The following MYLK2 variants were observed in gnomAD, a reference collection of about 807,000 sequenced individuals.
The protein encoded by MYLK2 is myosin light chain kinase 2, skeletal/cardiac muscle.
MYLK2 carries 27 observed loss-of-function variants against 58.2 expected under a neutral mutation model. The ratio of observed to expected loss-of-function variants is 0.46; its 90% CI spans 0.34 to 0.64. MYLK2 has a LOEUF of 0.64. MYLK2 is among the 30% of genes least tolerant of loss of function. The pLI, the probability that MYLK2 is intolerant of heterozygous loss-of-function variation, is 0.01. For missense variants in MYLK2, 676 were observed against 764.3 expected, an observed-to-expected ratio of 0.88 and a Z score of 1.36; for synonymous variants, 310 against 296.7, an observed-to-expected ratio of 1.04 and a Z score of -0.46.
chr20:31,827,052 A>G, intron 8 of MYLK2, 114 bp downstream of exon 8: 1 of 1,546,502 alleles, frequency 6.5e-7, no homozygotes, highest in South Asian at 1.2e-5. Context: ...TCCTTCATCC[A>G]TCCTTCCCTT....
chr20:31,832,598 T>C (rs1347259075), intron 12 of MYLK2, among the ~76,000 whole-genome samples: 1 of 152,156 alleles, frequency 6.6e-6, no homozygotes, highest in African/African-American at 2.4e-5. Flanking sequence ...GTTCAAGCAA[T>C]TCTCCTGCCT....
At chr20:31,825,556 G>T (rs1336483957) in intron 6 of MYLK2, among the ~76,000 whole-genome samples, 1 of 152,172 alleles carries the variant, frequency 6.6e-6, no homozygotes, top group African/African-American at 2.4e-5. Context: ...AGAAAAGAAG[G>T]CCTGGCATCA....
At position 31,820,508 on chromosome 20, in the gene MYLK2, C is replaced by G; in HGVS notation, c.435C>G (p.Ala145=). 6.2e-7 allele frequency: 1 copy of G among 1,604,936 alleles called. No homozygotes were observed. Among genetic ancestry groups the G allele is most frequent in the Non-Finnish European group, 8.5e-7 (1 of 1,179,976 alleles). Residue 145 remains alanine (A), a synonymous_variant, in exon 3 of 13, where the codon GCC becomes GCG. Transcript: ENST00000375985. The part of the protein sequence containing the change: ...GQAAARRGSP[A]FLHSPSCPAI... The stretch of plus-strand genomic sequence containing the variant: ...CAGCAGCCAGGAGGGGCTCACCTGC[C>G]TTTCTGCATAGCCCCAGCTGTCCTG...
chr20:31,824,226 G>T (rs1298611452), intron 5 of MYLK2, 33 bp from the exon 6 acceptor site: 1 of 1,606,098 alleles, frequency 6.2e-7, no homozygotes, highest in African/African-American at 1.3e-5. Flanking sequence ...TGGGCTCTGG[G>T]GTCCCCTCAC....
intron 8 of MYLK2, chr20:31,827,291 C>A (rs6121243): frequency 4.1e-6 from 4 of 985,110 alleles, no homozygotes; most frequent in Admixed American, 6.2e-5. Flanking sequence ...CTGCCTCAGC[C>A]TTGGCCCATG....
chr20:31,830,967 G>T (rs1568634422), intron 9 of MYLK2, 46 bp from the exon 10 acceptor site: 1 of 1,614,146 alleles, frequency 6.2e-7, no homozygotes, highest in East Asian at 2.2e-5. Flanking sequence ...AGGGGGCATG[G>T]GTATAGGCCA....
intron 8 of MYLK2, chr20:31,827,594 C>T: frequency 2.1e-6 from 2 of 956,548 alleles, no homozygotes; most frequent in Non-Finnish European, 2.5e-6. Flanking sequence ...TCTTGGCTCA[C>T]TGCAACCTCC....
chr20:31,821,337 T>G, intron 3 of MYLK2, 102 bp from the exon 4 acceptor site: 2 of 1,400,614 alleles, frequency 1.4e-6, no homozygotes, highest in Non-Finnish European at 2.0e-6. Context: ...ACACCATGCA[T>G]TTGGGGTGGG....
intron 6 of MYLK2, among the ~76,000 whole-genome samples, chr20:31,825,527 AAAAAG>A (rs1018368711): frequency 2.2e-4 from 34 of 152,348 alleles, no homozygotes; most frequent in African/African-American, 7.5e-4. Context: ...AGCAAAAAGA[AAAAAG>A]AAAAGAAAAG....
chr20:31,828,911 G>A (rs2062292610), intron 8 of MYLK2, among the ~76,000 whole-genome samples: 2 of 152,190 alleles, frequency 1.3e-5, no homozygotes, highest in Admixed American at 1.3e-4. Flanking sequence ...AGATGCCAGG[G>A]GCTTGAGCCA....
At chr20:31,823,954 A>G in intron 5 of MYLK2, 1 of 985,246 alleles carries the variant, frequency 1.0e-6, no homozygotes, top group Non-Finnish European at 1.2e-6. Flanking sequence ...GCCCTCCCCC[A>G]GGGCCCAGGG....
intron 5 of MYLK2, 48 bp downstream of exon 5, chr20:31,823,630 G>A (rs200949943): frequency 9.0e-6 from 14 of 1,556,176 alleles, no homozygotes; most frequent in South Asian, 4.4e-5. Flanking sequence ...AGAGTACACC[G>A]GGCTCCTGTG....
chr20:31,832,142 G>A lies in MYLK2; in HGVS notation c.1710+6G>A, dbSNP rs367566782. On this transcript the variant is annotated splice_donor_region_variant and intron_variant, in intron 12 of 12. Coordinates refer to ENST00000375985, the MANE Select transcript of MYLK2 (RefSeq NM_033118.4). ...TCATGAAGAGGCGCTGGAAGGTACC[G>A]CTGGATTCAGGGTGGGGAGGGAGGG... is the stretch of plus-strand genomic sequence containing the variant. 6.8e-6 allele frequency: 11 copies of A among 1,607,708 alleles called. No individual in the cohort carries two copies. Among genetic ancestry groups the A allele is most frequent in the South Asian group, 1.1e-5 (1 of 89,446 alleles).
rs878958130 is a variant in MYLK2, at chr20:31,833,860, C to T, written c.*63C>T. ...GTGGCCGGGGCTGAAGCCACACAGC[C>T]CAGAAGGCCAGAAAAGGCAGCCAGA... is the stretch of plus-strand genomic sequence containing the variant. On this transcript the variant is annotated 3_prime_UTR_variant, in exon 13 of 13. Transcript: ENST00000375985. 1 of 1,483,812 alleles carries T rather than the reference C, an allele frequency of 6.7e-7. No homozygotes were observed. Among genetic ancestry groups the T allele is most frequent in the Non-Finnish European group, 9.3e-7 (1 of 1,074,086 alleles). The allele number at this position is 1,483,812 out of a possible 1,614,324, so 91.9% of individuals were successfully genotyped here.
At chr20:31,824,454 G>C (rs1339786485) in intron 6 of MYLK2, 102 bp downstream of exon 6, 1 of 1,543,950 alleles carries the variant, frequency 6.5e-7, no homozygotes, top group East Asian at 2.4e-5. Context: ...CCTGGGGCCT[G>C]GTATGGGAGT....
At chr20:31,824,373 G>A (rs1156635237) in intron 6 of MYLK2, 21 bp downstream of exon 6, 24 of 1,600,198 alleles carry the variant, frequency 1.5e-5, no homozygotes, top group Non-Finnish European at 2.0e-5. Context: ...TGCGGGGGTG[G>A]TGGCTGCCCA....
intron 11 of MYLK2, 24 bp from the exon 12 acceptor site, chr20:31,831,980 G>C (rs376565541): frequency 6.2e-7 from 1 of 1,611,986 alleles, no homozygotes; most frequent in Non-Finnish European, 8.5e-7. Context: ...GCAGCCCACC[G>C]TCACCATGCT....
rs1049644673 is a variant in MYLK2 at position 31,834,269 on chromosome 20, C to G, written c.*472C>G. On this transcript the variant is annotated 3_prime_UTR_variant, in exon 13 of 13. Coordinates refer to ENST00000375985, the MANE Select transcript of MYLK2 (RefSeq NM_033118.4). ...CTGGTGGGGCAGAAAGGCTGCAACG[C>G]TGATTCCTAAGGCCCAGCTGCCAGG... 1 of 185,458 alleles carries G rather than the reference C, an allele frequency of 5.4e-6. No individual in the cohort carries two copies. Among genetic ancestry groups the G allele is most frequent in the African/African-American group, 2.4e-5 (1 of 42,454 alleles). 11.5% of individuals were successfully genotyped at this position (185,458 alleles called of 1,614,324 possible). A position where few individuals can be genotyped will look rare whatever the true frequency, so the allele number is the denominator to read the frequency against.
At chr20:31,831,187 G>T in intron 10 of MYLK2, 46 bp downstream of exon 10, 1 of 1,613,570 alleles carries the variant, frequency 6.2e-7, no homozygotes, top group Non-Finnish European at 8.5e-7. Context: ...TGGGGCATGG[G>T]GGCGAGCGGC....
Sources: gnomAD v4.1 joint callset for allele counts (sites outside exome capture counted in the v4.1 genomes callset) on GRCh38, gnomAD v4.1.1 for gene constraint, MANE v1.5 for transcripts, NCBI Gene and HGNC (gene_info 2026-07-23, HGNC 2026-07-21) for gene names.